SEZ6L: variants seen among roughly 807,000 people sequenced by gnomAD.
The protein encoded by SEZ6L is seizure related 6 homolog like.
Under a neutral mutation model 106.2 loss-of-function variants are expected in SEZ6L, and 37 were observed. The ratio of observed to expected loss-of-function variants is 0.35; its 90% confidence interval spans 0.27 to 0.46. The LOEUF (loss-of-function observed/expected upper bound fraction) is 0.46, where lower values mean the gene tolerates loss of function less well. SEZ6L is among the 20% of genes least tolerant of loss of function. The pLI is 1.00. For missense variants in SEZ6L, 1,172 were observed against 1,332.8 expected (o/e 0.88, Z 1.88); for synonymous variants, 541 against 570.4 (o/e 0.95, Z 0.73).
At chr22:26,378,132 C>T (rs1301576947) in intron 16 of SEZ6L, among the ~76,000 whole-genome samples, 1 of 152,158 alleles carries the variant, frequency 6.6e-6, no homozygotes, top group Admixed American at 6.5e-5. Flanking sequence ...TGTGAAACAT[C>T]CCTACACATT....
chr22:26,185,281 C>T (rs1333224707), intron 1 of SEZ6L, among the ~76,000 whole-genome samples: 1 of 152,208 alleles, frequency 6.6e-6, no homozygotes. Context: ...CAGCCAGACA[C>T]CTTGATCTGA....
At chr22:26,189,761 G>A (rs1940047673) in intron 1 of SEZ6L, among the ~76,000 whole-genome samples, 5 of 152,106 alleles carry the variant, frequency 3.3e-5, no homozygotes, top group Admixed American at 6.5e-5. Flanking sequence ...ATGGATACTG[G>A]CAGACGACTG....
chr22:26,177,923 A>C (rs531781066), intron 1 of SEZ6L, among the ~76,000 whole-genome samples: 1 of 152,316 alleles, frequency 6.6e-6, no homozygotes, highest in African/African-American at 2.4e-5. Context: ...GGGCTTACTC[A>C]AAGTCCCAAC....
rs1254358896 is a variant in SEZ6L, at chr22:26,352,153, C to A, written c.2599+910C>A. 3.8e-5 allele frequency among the ~76,000 whole-genome samples: 5 copies of A among 132,150 alleles called. 1 individual carries two copies. The Admixed American group carries it at 3.9e-4, about 10-fold the overall frequency. 86.7% of individuals were successfully genotyped at this position (132,150 alleles called of 152,430 possible). A position where few individuals can be genotyped will look rare whatever the true frequency, so the allele number is the denominator to read the frequency against. On this transcript the variant is annotated intron_variant, in intron 12 of 16. Transcript: ENST00000248933. ...CCTAGCTTGGGTGGCACAGCGAGAC[C>A]CTGCCTCAAAAAAAAAAAAAAAAGA...
chr22:26,333,179 C>T (rs2082540863), intron 9 of SEZ6L, among the ~76,000 whole-genome samples: 1 of 152,206 alleles, frequency 6.6e-6, no homozygotes, highest in Non-Finnish European at 1.5e-5. Context: ...CTTGAAGGGG[C>T]TGCAGAATGT....
chr22:26,170,166 G>A (rs974885623), intron 1 of SEZ6L, among the ~76,000 whole-genome samples: 1 of 152,068 alleles, frequency 6.6e-6, no homozygotes, highest in African/African-American at 2.4e-5. Context: ...AGGAAGGGGG[G>A]TGAGAAGCTG....
Position 26,347,841 on chromosome 22 carries a change from A to G in SEZ6L, c.2335A>G (p.Ile779Val). The G allele has an allele frequency of 6.2e-7, 1 of 1,603,408 alleles. No individual in the cohort carries two copies. The highest frequency in any genetic ancestry group is 8.5e-7 in the Non-Finnish European group (1 of 1,176,536). The change falls in exon 11 of 17, where the codon ATC (isoleucine) becomes GTC (valine). Residue 779 changes from isoleucine (I) to valine (V), a missense_variant. Ile to Val is a conservative substitution (Grantham distance 29, BLOSUM62 3). Around this residue, in one of 4 missense-constraint regions of SEZ6L, gnomAD observed 534 missense variants for 691.0 expected, o/e 0.77. Transcript: ENST00000248933. The part of the protein sequence containing the change: ...ITYQCDPGYD[I>V]VGSDTLTCQW... ...CTACCAGTGTGACCCCGGCTATGAC[A>G]TCGTGGGGAGTGACACCCTCACCTG...
At chr22:26,271,770 C>T (rs925977449) in intron 1 of SEZ6L, among the ~76,000 whole-genome samples, 2 of 152,156 alleles carry the variant, frequency 1.3e-5, no homozygotes, top group African/African-American at 2.4e-5. Flanking sequence ...CCTGTGGAAC[C>T]GTGAGCCAAT....
chr22:26,223,097 T>C (rs986067052), intron 1 of SEZ6L, among the ~76,000 whole-genome samples: 4 of 152,132 alleles, frequency 2.6e-5, no homozygotes, highest in African/African-American at 7.2e-5. Flanking sequence ...TGTGGCCACC[T>C]CCACCGTAGG....
chr22:26,180,606 G>A (rs1939326788), intron 1 of SEZ6L, among the ~76,000 whole-genome samples: 1 of 152,168 alleles, frequency 6.6e-6, no homozygotes, highest in Non-Finnish European at 1.5e-5. Flanking sequence ...ATTTAGGGTA[G>A]GAGTTGTGGG....
intron 1 of SEZ6L, among the ~76,000 whole-genome samples, chr22:26,182,995 C>T (rs1286493360): frequency 6.6e-6 from 1 of 152,136 alleles, no homozygotes; most frequent in Non-Finnish European, 1.5e-5. Context: ...TGTGTCTCCA[C>T]CAGACTCCTT....
At chr22:26,298,189 G>T (rs75059311) in intron 4 of SEZ6L, among the ~76,000 whole-genome samples, 2,448 of 152,028 alleles carry the variant, frequency 0.016, 60 homozygotes, top group African/African-American at 0.056. Context: ...GAATTTAAAA[G>T]CAACAACAAA....
At chr22:26,216,637 C>T (rs2078307422) in intron 1 of SEZ6L, among the ~76,000 whole-genome samples, 1 of 151,278 alleles carries the variant, frequency 6.6e-6, no homozygotes, top group African/African-American at 2.4e-5. Flanking sequence ...GCCTTGGTGA[C>T]AGAGTGAGAC....
At chr22:26,226,129 C>G (rs1188525846) in intron 1 of SEZ6L, among the ~76,000 whole-genome samples, 1 of 152,214 alleles carries the variant, frequency 6.6e-6, no homozygotes, top group Non-Finnish European at 1.5e-5. Flanking sequence ...CCATCCCTCA[C>G]TGGGCCTTTG....
chr22:26,352,260 G>A (rs1457577039), intron 12 of SEZ6L, among the ~76,000 whole-genome samples: 3 of 151,902 alleles, frequency 2.0e-5, no homozygotes, highest in Admixed American at 1.3e-4. Flanking sequence ...GAAGTTACAC[G>A]GAAGGAGCAG....
intron 12 of SEZ6L, among the ~76,000 whole-genome samples, chr22:26,363,120 T>A (rs2083689016): frequency 6.6e-6 from 1 of 152,260 alleles, no homozygotes; most frequent in South Asian, 2.1e-4. Flanking sequence ...AGCCAGTCAT[T>A]GCCATGTAAC....
At chr22:26,319,887 G>A (rs1306899854) in intron 9 of SEZ6L, among the ~76,000 whole-genome samples, 1 of 152,146 alleles carries the variant, frequency 6.6e-6, no homozygotes, top group Non-Finnish European at 1.5e-5. Context: ...ACAGACATGA[G>A]GCTTCAAAGC....
At chr22:26,329,952 A>T (rs745970811) in intron 9 of SEZ6L, among the ~76,000 whole-genome samples, 5 of 152,236 alleles carry the variant, frequency 3.3e-5, no homozygotes, top group Non-Finnish European at 5.9e-5. Flanking sequence ...AGATCCTATG[A>T]TTTATTTCAT....
At chr22:26,374,263 CT>C (rs112702936) in intron 14 of SEZ6L, among the ~76,000 whole-genome samples, 3,583 of 141,070 alleles carry the variant, frequency 0.025, 64 homozygotes, top group South Asian at 0.037. Context: ...TATATTGTTT[CT>C]TTTTTTTTTT....
Sources: allele counts gnomAD v4.1 joint callset (sites outside exome capture counted in the v4.1 genomes callset), GRCh38; gene constraint gnomAD v4.1.1; regional missense constraint gnomAD v4.1.1; transcripts MANE v1.5; gene names NCBI Gene and HGNC (gene_info 2026-07-23, HGNC 2026-07-21).